Variants in NALF1 observed in about 807,000 individuals in gnomAD.
NALF1 encodes the protein NALCN channel auxiliary factor 1.
A neutral mutation model predicts 48.4 loss-of-function variants in NALF1; 3 were observed. The observed-to-expected ratio is 0.06, with a 90% CI of 0.03 to 0.16. NALF1 has a LOEUF of 0.16. Among genes scored for constraint, NALF1 ranks in the 10% least tolerant of loss-of-function variants. The pLI is 1.00. For missense variants in NALF1, 526 were observed against 571.5 expected (o/e 0.92, Z 0.81); for synonymous variants, 262 against 245.7 (o/e 1.07, Z -0.62).
rs978476049 is a variant in NALF1 at position 107,186,736 on chromosome 13, C to T, written c.1088-15950G>A. On this transcript the variant is annotated intron_variant, in intron 2 of 2. Transcript: ENST00000375915. ...TAGCATCACAATCTGTATTCATTTTCCCTTGCTGTTATAAAAAATTGTTAC... is the reference window on the plus strand; with the variant it reads ...TAGCATCACAATCTGTATTCATTTTTCCTTGCTGTTATAAAAAATTGTTAC... Among the ~76,000 whole-genome samples, 4 of 152,264 alleles carry T rather than the reference C, an allele frequency of 2.6e-5. No homozygotes were observed. The South Asian group carries it at 8.3e-4, about 32-fold the overall frequency.
chr13:107,577,020 T>C (rs1304373650), intron 1 of NALF1, among the ~76,000 whole-genome samples: 2 of 152,170 alleles, frequency 1.3e-5, no homozygotes, highest in African/African-American at 4.8e-5. Context: ...GGGCCTACTA[T>C]TCTCTGACCT....
chr13:107,247,148 A>G (rs955316794), intron 1 of NALF1, among the ~76,000 whole-genome samples: 1 of 152,204 alleles, frequency 6.6e-6, no homozygotes, highest in Admixed American at 6.5e-5. Flanking sequence ...AGGAGAAAAA[A>G]TAGATGGAAA....
chr13:107,312,686 A>G (rs1448238095), intron 1 of NALF1, among the ~76,000 whole-genome samples: 1 of 152,220 alleles, frequency 6.6e-6, no homozygotes, highest in East Asian at 1.9e-4. Flanking sequence ...TTACGAAATT[A>G]AGAGATATCT....
chr13:107,316,456 C>T (rs545089672), intron 1 of NALF1, among the ~76,000 whole-genome samples: 1 of 152,308 alleles, frequency 6.6e-6, no homozygotes, highest in Non-Finnish European at 1.5e-5. Context: ...CGTTCTAGAT[C>T]CCTGAGGAAT....
rs534165174 is a variant in NALF1 at position 107,169,131 on chromosome 13, C to G, written c.*1366G>C. 3 of 152,518 alleles carry G rather than the reference C, an allele frequency of 2.0e-5. No individual in the cohort carries two copies. The highest frequency in any genetic ancestry group is 2.1e-4 in the South Asian group (1 of 4,820). 9.4% of individuals were successfully genotyped at this position (152,518 alleles called of 1,614,324 possible). On this transcript the variant is annotated 3_prime_UTR_variant, in exon 3 of 3. Transcript: ENST00000375915. ...TCCCACAAAGAAAATAAAATACAAA[C>G]AGTGATCAGACCTCTTTTCCTCAAC... is the stretch of plus-strand genomic sequence containing the variant.
Position 107,794,569 on chromosome 13 carries a change from A to G in NALF1, c.915+71113T>C, listed in dbSNP as rs191130571. Among the ~76,000 whole-genome samples the G allele has an allele frequency of 9.2e-5, 14 of 151,678 alleles. No individual in the cohort carries two copies. In the East Asian group the frequency reaches 2.7e-3, roughly 29 times the overall value. ...AACATTTTCACCCACCAAAAAAAGA[A>G]AAAAAAAGAATCCTATTAACACCTG... On this transcript the variant is annotated intron_variant, in intron 1 of 2. Transcript: ENST00000375915.
rs376152942 is a variant in NALF1, at chr13:107,707,558, G to A, written c.915+158124C>T. Among the ~76,000 whole-genome samples the A allele has an allele frequency of 4.6e-5, 7 of 152,226 alleles. No individual in the cohort carries two copies. The South Asian group carries it at 1.0e-3, about 23-fold the overall frequency. On this transcript the variant is annotated intron_variant, in intron 1 of 2. Transcript: ENST00000375915. ...TTAGTCTCTGCCAACCACAAGCACC[G>A]ACTCCCTACTTTAAATAAGCAATTA...
chr13:107,647,438 C>G lies in NALF1; in HGVS notation c.915+218244G>C, dbSNP rs1880342202. On this transcript the variant is annotated intron_variant, in intron 1 of 2. Coordinates refer to ENST00000375915, the MANE Select transcript of NALF1 (RefSeq NM_001080396.3). Reference sequence around the variant, plus strand: ...AGCTCCAGTTCATTCCTTTTAAATTCTTGCATGGTGTACTATGTTTTATCG... The same window carrying G: ...AGCTCCAGTTCATTCCTTTTAAATTGTTGCATGGTGTACTATGTTTTATCG... Among the ~76,000 whole-genome samples the G allele has an allele frequency of 4.0e-5, 6 of 150,698 alleles. No homozygotes were observed. In the South Asian group the frequency reaches 1.3e-3, roughly 32 times the overall value.
At chr13:107,551,150 T>A (rs973535199) in intron 1 of NALF1, among the ~76,000 whole-genome samples, 1 of 152,170 alleles carries the variant, frequency 6.6e-6, no homozygotes, top group Non-Finnish European at 1.5e-5. Context: ...ATGTGCAGAA[T>A]CAAGTTTATG....
intron 1 of NALF1, among the ~76,000 whole-genome samples, chr13:107,603,948 G>A (rs1348700349): frequency 6.6e-6 from 1 of 152,148 alleles, no homozygotes; most frequent in African/African-American, 2.4e-5. Context: ...GTCACGTGCA[G>A]GAGGCTGTGT....
At chr13:107,348,818 T>G (rs1399307564) in intron 1 of NALF1, among the ~76,000 whole-genome samples, 1 of 152,220 alleles carries the variant, frequency 6.6e-6, no homozygotes, top group African/African-American at 2.4e-5. Context: ...AATATAAGAA[T>G]AAGAGTCACT....
At chr13:107,192,987 A>C (rs561485182) in intron 2 of NALF1, among the ~76,000 whole-genome samples, 3 of 152,342 alleles carry the variant, frequency 2.0e-5, no homozygotes, top group African/African-American at 4.8e-5. Flanking sequence ...AAAAATAAAA[A>C]AGAAAAAATC....
intron 1 of NALF1, among the ~76,000 whole-genome samples, chr13:107,770,617 T>A (rs1877551800): frequency 2.0e-5 from 3 of 152,184 alleles, no homozygotes; most frequent in African/African-American, 7.2e-5. Context: ...GTGATCCTTC[T>A]AATCACTCTC....
chr13:107,472,370 G>A (rs143586897), intron 1 of NALF1, among the ~76,000 whole-genome samples: 206 of 152,210 alleles, frequency 1.4e-3, no homozygotes, highest in Non-Finnish European at 2.4e-3. Context: ...TAACACTGGG[G>A]CTGTGATGGT....
chr13:107,215,431 G>A (rs903761854), intron 1 of NALF1, among the ~76,000 whole-genome samples: 7 of 152,084 alleles, frequency 4.6e-5, no homozygotes, highest in Non-Finnish European at 1.0e-4. Context: ...TGATCAGGGA[G>A]AGCAAAGGCT....
At chr13:107,381,480 G>C (rs1248410064) in intron 1 of NALF1, among the ~76,000 whole-genome samples, 1 of 152,032 alleles carries the variant, frequency 6.6e-6, no homozygotes, top group Non-Finnish European at 1.5e-5. Context: ...ATAGATGTGA[G>C]CCACCACACC....
intron 1 of NALF1, among the ~76,000 whole-genome samples, chr13:107,240,652 G>A (rs1460757939): frequency 1.3e-5 from 2 of 152,066 alleles, no homozygotes; most frequent in Non-Finnish European, 2.9e-5. Context: ...CTGATCTAAG[G>A]TGAAACTCTG....
At chr13:107,507,369 T>C (rs983313176) in intron 1 of NALF1, among the ~76,000 whole-genome samples, 7 of 152,022 alleles carry the variant, frequency 4.6e-5, no homozygotes, top group Non-Finnish European at 1.0e-4. Context: ...ATAGAGGACA[T>C]CTGTTTCTAA....
At position 107,647,974 on chromosome 13, in the gene NALF1, GT is replaced by G. The variant is rs1468533541; in HGVS notation, c.915+217707del. Among the ~76,000 whole-genome samples the G allele has an allele frequency of 5.9e-5, 9 of 151,954 alleles. 1 individual carries two copies. Among genetic ancestry groups the G allele is most frequent in the African/African-American group, 2.2e-4 (9 of 41,360 alleles). ...TGAAGATTATAGAAAAGAGTAATTTGTTTCAAAATTATGTGTATTACAAAAA... is the reference window on the plus strand; with the variant it reads ...TGAAGATTATAGAAAAGAGTAATTTGTTCAAAATTATGTGTATTACAAAAA... On this transcript the variant is annotated intron_variant, in intron 1 of 2. Transcript: ENST00000375915.
Sources: gnomAD v4.1 joint callset for allele counts (sites outside exome capture counted in the v4.1 genomes callset) on GRCh38, gnomAD v4.1.1 for gene constraint, MANE v1.5 for transcripts, NCBI Gene and HGNC (gene_info 2026-07-23, HGNC 2026-07-21) for gene names.